The following HECTD4 variants were observed in gnomAD, a reference collection of about 807,000 sequenced individuals.
HECTD4 encodes probable E3 ubiquitin-protein ligase HECTD4.
A neutral mutation model predicts 471.5 loss-of-function variants in HECTD4; 114 were observed. The observed-to-expected ratio is 0.24, with a 90% CI of 0.21 to 0.28. The LOEUF is 0.28. Ranked by LOEUF, HECTD4 falls within the 10% of genes least tolerant of loss-of-function variation. The pLI, the probability that HECTD4 is intolerant of heterozygous loss-of-function variation, is 1.00. For missense variants in HECTD4, 3,866 were observed against 5,651.5 expected, an observed-to-expected ratio of 0.68 and a Z score of 10.13; for synonymous variants, 2,012 against 2,256.0, an observed-to-expected ratio of 0.89 and a Z score of 3.07.
Position 112,228,601 on chromosome 12 carries a change from G to A in HECTD4, c.6684+46C>T, listed in dbSNP as rs2033299105. On this transcript the variant is annotated intron_variant, in intron 42 of 75. Transcript: ENST00000682272. The surrounding 1 kb of genome is among the most constrained non-coding windows in gnomAD (Gnocchi z 4.9). The stretch of plus-strand genomic sequence containing the variant: ...ATGTGCATAGACTCATTACAGTACA[G>A]TTACCATTGGCAGACATTTTACAAA... 9.1e-6 allele frequency: 14 copies of A among 1,544,844 alleles called. No homozygotes were observed. The highest frequency in any genetic ancestry group is 1.1e-5 in the Non-Finnish European group (13 of 1,137,180).
Position 112,188,126 on chromosome 12 carries a change from A to C in HECTD4, c.9473-2633T>G, listed in dbSNP as rs139074186. 0.012 allele frequency among the ~76,000 whole-genome samples: 1,837 copies of C among 152,030 alleles called. 25 individuals carry two copies. Among genetic ancestry groups the C allele is most frequent in the Non-Finnish European group, 0.015 (1,027 of 67,976 alleles). ...ACATGGTGAAATCCTGTTTCTACTA[A>C]AAATACAAAAAAATTAGCTGGGCAT... On this transcript the variant is annotated intron_variant, in intron 60 of 75. Coordinates refer to ENST00000682272, the MANE Select transcript of HECTD4 (RefSeq NM_001388303.1). The surrounding 1 kb of genome is among the most constrained non-coding windows in gnomAD (Gnocchi z 4.2).
In HECTD4 at chr12:112,183,078, G is replaced by T; in HGVS notation, c.10968C>A (p.Phe3656Leu). The T allele has an allele frequency of 6.2e-7, 1 of 1,612,756 alleles. No individual in the cohort carries two copies. Among genetic ancestry groups the T allele is most frequent in the South Asian group, 1.1e-5 (1 of 91,028 alleles). ...TQGSPGLEDYFNDKSIKGEKL... is the reference protein window; with the variant it reads ...TQGSPGLEDYLNDKSIKGEKL... ...ACCCACCTTTAATTGACTTATCATT[G>T]AAATAATCTTCTAACCCTGGGCTCC... The change falls in exon 62 of 76, where the codon TTC (phenylalanine) becomes TTA (leucine). Residue 3656 changes from phenylalanine (F) to leucine (L), a missense_variant. Coordinates refer to ENST00000682272, the MANE Select transcript of HECTD4 (RefSeq NM_001388303.1).
chr12:112,186,739 C>T (rs1291530380), intron 60 of HECTD4, among the ~76,000 whole-genome samples: 1 of 151,548 alleles, frequency 6.6e-6, no homozygotes, highest in African/African-American at 2.4e-5. Context: ...GCGATCTCAG[C>T]TCACTGCAAC....
At chr12:112,372,527 G>A (rs902427404) in intron 1 of HECTD4, among the ~76,000 whole-genome samples, 10 of 151,420 alleles carry the variant, frequency 6.6e-5, no homozygotes, top group Non-Finnish European at 4.4e-5. Context: ...CGTGTGATCC[G>A]CCCACCTCTG....
chr12:112,298,282 C>G (rs2086720912), intron 7 of HECTD4, among the ~76,000 whole-genome samples: 1 of 151,784 alleles, frequency 6.6e-6, no homozygotes, highest in African/African-American at 2.4e-5. Context: ...GGACAATGAA[C>G]TGAGAGAGGA....
intron 2 of HECTD4, among the ~76,000 whole-genome samples, chr12:112,315,656 A>C (rs1437427544): frequency 6.6e-6 from 1 of 152,162 alleles, no homozygotes; most frequent in Non-Finnish European, 1.5e-5. Flanking sequence ...CAAAACCTTT[A>C]ACATTTAGAA....
chr12:112,300,115 G>A (rs995621155), intron 7 of HECTD4, among the ~76,000 whole-genome samples: 3 of 152,120 alleles, frequency 2.0e-5, no homozygotes, highest in Non-Finnish European at 4.4e-5. Flanking sequence ...AGGAGTTTGA[G>A]ACGAGGCTGG....
chr12:112,261,390 G>T lies in HECTD4; in HGVS notation c.2788C>A (p.Leu930Met). The change falls in exon 18 of 76, where the codon CTG becomes ATG. Residue 930 changes from leucine to methionine, a missense_variant. Physicochemically the swap from Leu to Met is conservative, Grantham distance 15 (BLOSUM62 2). Transcript: ENST00000682272. The stretch of plus-strand genomic sequence containing the variant: ...TCCAACACTTCATCACATCCAGTCA[G>T]GATTTGGGTGGCAAGAGCCAAAATA... ...VSILALATQI[L>M]TGCDEVLEML... 1 of 1,610,486 alleles carries T rather than the reference G, an allele frequency of 6.2e-7. No homozygotes were observed. Among genetic ancestry groups the T allele is most frequent in the Non-Finnish European group, 8.5e-7 (1 of 1,176,974 alleles).
At chr12:112,314,606 A>G in intron 2 of HECTD4, 60 bp from the exon 3 acceptor site, 1 of 921,994 alleles carries the variant, frequency 1.1e-6, no homozygotes, top group Non-Finnish European at 1.7e-6. Flanking sequence ...AATTTAGGTC[A>G]TTAATGCTAA....
chr12:112,169,994 CAG>C lies in HECTD4; in HGVS notation c.12052+337_12053-337del, dbSNP rs1460316399. ...TCCCCCTTCTGTCTATACGCTGTGG[CAG>C]AGACTCTGGGGAGCCTCCCCAGTGA... On this transcript the variant is annotated intron_variant, in intron 69 of 75. Coordinates refer to ENST00000682272, the MANE Select transcript of HECTD4 (RefSeq NM_001388303.1). 3 of 535,794 alleles carry C rather than the reference CAG, an allele frequency of 5.6e-6. No individual in the cohort carries two copies. In the East Asian group the frequency reaches 9.9e-5, roughly 18 times the overall value. The allele number at this position is 535,794 out of a possible 1,614,324, so 33.2% of individuals were successfully genotyped here.
At chr12:112,273,853 T>C in intron 10 of HECTD4, 58 bp from the exon 11 acceptor site, 1 of 1,583,410 alleles carries the variant, frequency 6.3e-7, no homozygotes, top group Admixed American at 1.7e-5. Flanking sequence ...GTATACATAT[T>C]TCTCACAAGC....
chr12:112,194,729 C>T lies in HECTD4; in HGVS notation c.8749+156G>A, dbSNP rs2032181420. On this transcript the variant is annotated intron_variant, in intron 56 of 75. Coordinates refer to ENST00000682272, the MANE Select transcript of HECTD4 (RefSeq NM_001388303.1). The surrounding 1 kb of genome is among the most constrained non-coding windows in gnomAD (Gnocchi z 4.6). ...TACATTTTTCGAAGAGTGAGAAAGC[C>T]CTGCCAGGAGAATCCCAGTTCCTGC... Among the ~76,000 whole-genome samples, 1 of 152,168 alleles carries T rather than the reference C, an allele frequency of 6.6e-6. No homozygotes were observed. The highest frequency in any genetic ancestry group is 2.1e-4 in the South Asian group (1 of 4,830).
rs1566061075 is a variant in HECTD4, at chr12:112,175,840, C to T, written c.11490G>A (p.Leu3830=). The change falls in exon 66 of 76, where the codon CTG becomes CTA. Residue 3830 remains leucine (L), a synonymous_variant. Transcript: ENST00000682272. ...CAAATTTGTGAAATCCTTCCAGCGT[C>T]AGGTATTTTTCCTCAGGGACTGGTG... ...KKQEVPEEKY[L]TLEGFHKFVI... 1 of 1,613,582 alleles carries T rather than the reference C, an allele frequency of 6.2e-7. No individual in the cohort carries two copies. Among genetic ancestry groups the T allele is most frequent in the African/African-American group, 1.3e-5 (1 of 74,942 alleles).
chr12:112,259,121 A>G lies in HECTD4; in HGVS notation c.3018T>C (p.Tyr1006=), dbSNP rs1157517343. The change falls in exon 19 of 76, where the codon TAT becomes TAC. Residue 1006 remains tyrosine, a synonymous_variant. Coordinates refer to ENST00000682272, the MANE Select transcript of HECTD4 (RefSeq NM_001388303.1). ...ACACCAAGGATCATACCTGGCTGGT[A>G]TAGAGTACCAGCTGCACTAGCTGAG... The part of the protein sequence containing the change: ...LMPQLVQLVL[Y]TSQTALLLKT... The G allele has an allele frequency of 6.2e-7, 1 of 1,611,980 alleles. No homozygotes were observed. The highest frequency in any genetic ancestry group is 1.7e-5 in the Admixed American group (1 of 59,308).
intron 1 of HECTD4, among the ~76,000 whole-genome samples, chr12:112,376,918 G>A (rs992651878): frequency 2.0e-5 from 3 of 152,090 alleles, no homozygotes; most frequent in Non-Finnish European, 4.4e-5. Flanking sequence ...TTCAAGACCA[G>A]CCTGACCAAC....
In HECTD4 at chr12:112,251,043, A is replaced by G; in HGVS notation, c.3644T>C (p.Leu1215Pro). ...TTTGGTAATTTCTGGTCCATTGTAC[A>G]GGATTCTTAACATGGAACAAGCTAA... is the stretch of plus-strand genomic sequence containing the variant. Reference protein sequence around the residue: ...SVLACSMLRILYNGPEITKEE... With the variant: ...SVLACSMLRIPYNGPEITKEE... The change falls in exon 24 of 76, where the codon CTG (leucine) becomes CCG (proline). Residue 1215 changes from leucine to proline, a missense_variant. By Grantham distance (98) the Leu-to-Pro change is moderately conservative. This residue lies in a region of HECTD4 where 281 missense variants were observed against 499.9 expected (regional missense o/e 0.56). Coordinates refer to ENST00000682272, the MANE Select transcript of HECTD4 (RefSeq NM_001388303.1). 6.2e-7 allele frequency: 1 copy of G among 1,613,906 alleles called. No individual in the cohort carries two copies. Among genetic ancestry groups the G allele is most frequent in the East Asian group, 2.2e-5 (1 of 44,902 alleles).
intron 7 of HECTD4, chr12:112,301,875 C>T: frequency 1.0e-6 from 1 of 967,812 alleles, no homozygotes; most frequent in Non-Finnish European, 1.6e-6. Context: ...TACATTTAAC[C>T]CAGTTTAGTG....
rs765225005 is a variant in HECTD4 at position 112,185,401 on chromosome 12, C to G, written c.9565G>C (p.Glu3189Gln). Residue 3189 changes from glutamate (E) to glutamine (Q), a missense_variant, in exon 61 of 76, where the codon GAG becomes CAG. Transcript: ENST00000682272. ...AELLRTVHTLEQRRHPAGLSS... is the reference protein window; with the variant it reads ...AELLRTVHTLQQRRHPAGLSS... ...AGGCCAGCGGGGTGCCGCCTCTGCT[C>G]CAGGGTGTGCACCGTGCGCAGGAGC... 1.9e-6 allele frequency: 3 copies of G among 1,612,698 alleles called. No individual in the cohort carries two copies. The highest frequency in any genetic ancestry group is 2.5e-6 in the Non-Finnish European group (3 of 1,179,574).
rs753160177 is a variant in HECTD4, at chr12:112,265,252, G to T, written c.2542C>A (p.Arg848=). 4.4e-6 allele frequency: 7 copies of T among 1,588,670 alleles called. No homozygotes were observed. Among genetic ancestry groups the T allele is most frequent in the Non-Finnish European group, 6.0e-6 (7 of 1,163,274 alleles). ...TTGGTGATTAAGATACAGGATTCTCGTACAACAATCTTCAGAATGTAGTGT... is the reference window on the plus strand; with the variant it reads ...TTGGTGATTAAGATACAGGATTCTCTTACAACAATCTTCAGAATGTAGTGT... ...LLHYILKIVV[R]ESCILITKCQ... The change falls in exon 16 of 76, where the codon CGA becomes AGA. Residue 848 remains arginine (R), a synonymous_variant. Transcript: ENST00000682272.
Sources: gnomAD v4.1 joint callset for allele counts (sites outside exome capture counted in the v4.1 genomes callset) on GRCh38, gnomAD v4.1.1 for gene constraint, gnomAD v4.1.1 regional missense constraint, Gnocchi (gnomAD v3.1) non-coding constraint, MANE v1.5 for transcripts, NCBI Gene and HGNC (gene_info 2026-07-23, HGNC 2026-07-21) for gene names.